The following ATF7IP variants were observed in gnomAD, a reference collection of about 807,000 sequenced individuals.
ATF7IP encodes the protein activating transcription factor 7 interacting protein.
A neutral mutation model predicts 106.4 loss-of-function variants in ATF7IP; 23 were observed. The observed-to-expected ratio is 0.22, with a 90% CI of 0.16 to 0.31. The LOEUF is 0.31. Among genes scored for constraint, ATF7IP ranks in the 10% least tolerant of loss-of-function variants. The pLI is 1.00. For missense variants in ATF7IP, 1,334 were observed against 1,524.3 expected (o/e 0.88, Z 2.08); for synonymous variants, 542 against 539.0 (o/e 1.01, Z -0.08).
intron 1 of ATF7IP, among the ~76,000 whole-genome samples, chr12:14,390,719 G>A (rs1046708276): frequency 3.3e-5 from 5 of 152,172 alleles, no homozygotes; most frequent in East Asian, 1.9e-4. Flanking sequence ...GATAATGGCC[G>A]TTAGGCCATT....
intron 1 of ATF7IP, among the ~76,000 whole-genome samples, chr12:14,404,452 T>C (rs557943363): frequency 1.0e-3 from 156 of 152,296 alleles, no homozygotes; most frequent in African/African-American, 3.6e-3. Context: ...AAACAGTACA[T>C]TTTTAAGTAC....
intron 13 of ATF7IP, among the ~76,000 whole-genome samples, chr12:14,492,952 G>C (rs11614681): frequency 0.023 from 3,401 of 145,248 alleles, 34 homozygotes; most frequent in South Asian, 0.034. Context: ...CTGGACCCTC[G>C]CAGCTGGGAT....
rs1944329534 is a variant in ATF7IP at position 14,478,464 on chromosome 12, T to G, written c.3089T>G (p.Leu1030Arg). Residue 1030 changes from leucine to arginine, a missense_variant, in exon 12 of 15, where the codon CTA becomes CGA. Transcript: ENST00000261168. ...CCATCTCAGACCACCATACACTTAC[T>G]ACCTACAGGTAAATTTGTTGAATCA... ...SGPSQTTIHL[L>R]PTAPTTVNVT... 6.2e-7 allele frequency: 1 copy of G among 1,613,814 alleles called. No individual in the cohort carries two copies. Among genetic ancestry groups the G allele is most frequent in the South Asian group, 1.1e-5 (1 of 91,078 alleles).
At position 14,499,071 on chromosome 12, in the gene ATF7IP, C is replaced by T. The variant is rs1488684699; in HGVS notation, c.*998C>T. ...ATGTTGGCCAGGCTGGTCTTGAACT[C>T]CTGACCTCAGGTGATCCACCCGCCT... On this transcript the variant is annotated 3_prime_UTR_variant, in exon 15 of 15. Coordinates refer to ENST00000261168, the MANE Select transcript of ATF7IP (RefSeq NM_018179.5). 6.6e-6 allele frequency: 1 copy of T among 152,144 alleles called. No homozygotes were observed. Among genetic ancestry groups the T allele is most frequent in the Non-Finnish European group, 1.5e-5 (1 of 68,064 alleles). 9.4% of individuals were successfully genotyped at this position (152,144 alleles called of 1,614,324 possible). A position where few individuals can be genotyped will look rare whatever the true frequency, so the allele number is the denominator to read the frequency against.
intron 1 of ATF7IP, among the ~76,000 whole-genome samples, chr12:14,386,123 A>C (rs1443632487): frequency 6.6e-6 from 1 of 152,156 alleles, no homozygotes; most frequent in African/African-American, 2.4e-5. Context: ...ATCAGAGCTG[A>C]AGTACTCAGT....
intron 13 of ATF7IP, among the ~76,000 whole-genome samples, chr12:14,483,944 A>G (rs1218989302): frequency 6.6e-6 from 1 of 152,170 alleles, no homozygotes; most frequent in Non-Finnish European, 1.5e-5. Context: ...TGGATAAGGC[A>G]TTCTGTGAGT....
chr12:14,472,831 C>T (rs2136776228), intron 10 of ATF7IP, among the ~76,000 whole-genome samples: 1 of 151,998 alleles, frequency 6.6e-6, no homozygotes, highest in East Asian at 1.9e-4. Context: ...CACACACACA[C>T]ACTATATTAA....
At chr12:14,402,711 C>T (rs57074123) in intron 1 of ATF7IP, among the ~76,000 whole-genome samples, 445 of 151,136 alleles carry the variant, frequency 2.9e-3, no homozygotes, top group African/African-American at 1.0e-2. Context: ...TGGGTTCAAG[C>T]GATTCTCCTG....
chr12:14,432,602 G>A (rs1337553890), intron 2 of ATF7IP, among the ~76,000 whole-genome samples: 1 of 152,046 alleles, frequency 6.6e-6, no homozygotes, highest in African/African-American at 2.4e-5. Context: ...AATACTTCTA[G>A]CGCCTTAATA....
In ATF7IP at chr12:14,460,672, A is replaced by G; in HGVS notation, c.2336A>G (p.Gln779Arg). 1.2e-6 allele frequency: 2 copies of G among 1,614,202 alleles called. No homozygotes were observed. Among genetic ancestry groups the G allele is most frequent in the African/African-American group, 1.3e-5 (1 of 75,050 alleles). Residue 779 changes from glutamine (Q) to arginine (R), a missense_variant, in exon 9 of 15, where the codon CAG becomes CGG. By Grantham distance (43) the Gln-to-Arg change is conservative. This residue lies in a region of ATF7IP where 171 missense variants were observed against 172.6 expected (regional missense o/e 0.99). Coordinates refer to ENST00000261168, the MANE Select transcript of ATF7IP (RefSeq NM_018179.5). ...SGNPQPTISL[Q>R]PLPVILHVPV... ...AATCCCCAGCCTACAATCTCTTTAC[A>G]GCCTTTGCCAGTGATTTTGCATGTA...
chr12:14,473,630 C>T (rs1944143860), intron 10 of ATF7IP, among the ~76,000 whole-genome samples: 1 of 151,984 alleles, frequency 6.6e-6, no homozygotes, highest in Non-Finnish European at 1.5e-5. Context: ...TCCTCTTCTT[C>T]CTATGATCCA....
intron 1 of ATF7IP, among the ~76,000 whole-genome samples, chr12:14,414,625 A>G (rs528572252): frequency 6.6e-6 from 1 of 152,298 alleles, no homozygotes; most frequent in East Asian, 1.9e-4. Context: ...CCTCTGCCAC[A>G]AGGCCTAGAT....
At chr12:14,447,808 T>C (rs1943042355) in intron 6 of ATF7IP, among the ~76,000 whole-genome samples, 2 of 152,192 alleles carry the variant, frequency 1.3e-5, no homozygotes, top group Non-Finnish European at 2.9e-5. Context: ...TTAATTGTAA[T>C]ATACAGAGAT....
At position 14,478,019 on chromosome 12, in the gene ATF7IP, A is replaced by G. The variant is rs543964093; in HGVS notation, c.2942-298A>G. Among the ~76,000 whole-genome samples, 14 of 152,334 alleles carry G rather than the reference A, an allele frequency of 9.2e-5. No individual in the cohort carries two copies. The South Asian group carries it at 2.9e-3, about 32-fold the overall frequency. ...CTATAGGTAGGTAGATTATATATTTATGCAAGTAATGAGTTATTCTAGTTG... is the reference window on the plus strand; with the variant it reads ...CTATAGGTAGGTAGATTATATATTTGTGCAAGTAATGAGTTATTCTAGTTG... On this transcript the variant is annotated intron_variant, in intron 11 of 14. Transcript: ENST00000261168.
intron 1 of ATF7IP, among the ~76,000 whole-genome samples, chr12:14,390,732 A>G (rs1338645483): frequency 1.3e-5 from 2 of 152,252 alleles, no homozygotes; most frequent in African/African-American, 4.8e-5. Flanking sequence ...AGGCCATTAC[A>G]AACTTTATTT....
At chr12:14,477,273 A>G (rs1234241124) in intron 11 of ATF7IP, among the ~76,000 whole-genome samples, 1 of 152,234 alleles carries the variant, frequency 6.6e-6, no homozygotes, top group Admixed American at 6.5e-5. Context: ...ATTATATGAC[A>G]GTAAAGTCGG....
intron 10 of ATF7IP, among the ~76,000 whole-genome samples, chr12:14,468,578 T>G (rs947374269): frequency 6.6e-6 from 1 of 151,542 alleles, no homozygotes; most frequent in Admixed American, 6.6e-5. Flanking sequence ...AAGCTCTCAA[T>G]AGATATTTTA....
chr12:14,374,564 T>A (rs1474858975), intron 1 of ATF7IP, among the ~76,000 whole-genome samples: 1 of 152,198 alleles, frequency 6.6e-6, no homozygotes, highest in Non-Finnish European at 1.5e-5. Context: ...AATATATATT[T>A]TTGTAGGGTA....
intron 5 of ATF7IP, among the ~76,000 whole-genome samples, chr12:14,444,508 A>AAAT (rs150403822): frequency 0.06 from 9,108 of 152,230 alleles, 336 homozygotes; most frequent in Non-Finnish European, 0.091. Flanking sequence ...GGAGTTACAA[A>AAAT]AATGACTTGT....
Sources: gnomAD v4.1 joint callset for allele counts (sites outside exome capture counted in the v4.1 genomes callset) on GRCh38, gnomAD v4.1.1 for gene constraint, gnomAD v4.1.1 regional missense constraint, MANE v1.5 for transcripts, NCBI Gene and HGNC (gene_info 2026-07-23, HGNC 2026-07-21) for gene names.